Variants in FAM193A observed in about 807,000 individuals in gnomAD.
FAM193A encodes protein FAM193A.
In FAM193A, 22 loss-of-function variants were observed where a neutral mutation model predicts 126.5. The ratio of observed to expected loss-of-function variants is 0.17; its 90% CI spans 0.12 to 0.25. FAM193A has a LOEUF of 0.25. Ranked by LOEUF, FAM193A falls within the 10% of genes least tolerant of loss-of-function variation. The pLI is 1.00. For synonymous variants in FAM193A, 761 were observed against 646.8 expected (o/e 1.18, Z -2.68); for missense variants, 1,675 against 1,672.8 (o/e 1.00, Z -0.02).
At chr4:2,702,969 CTT>C (rs896625061) in intron 19 of FAM193A, among the ~76,000 whole-genome samples, 1 of 151,250 alleles carries the variant, frequency 6.6e-6, no homozygotes, top group Non-Finnish European at 1.5e-5. Flanking sequence ...CCCAGTTCCT[CTT>C]TTTTTTTAAT....
intron 7 of FAM193A, 23 bp from the exon 8 acceptor site, chr4:2,657,780 T>C: frequency 6.5e-7 from 1 of 1,550,324 alleles, no homozygotes; most frequent in Non-Finnish European, 8.7e-7. Context: ...CTTTTTTTTC[T>C]GTTTTTTACA....
intron 2 of FAM193A, among the ~76,000 whole-genome samples, chr4:2,617,647 C>G (rs79950193): frequency 3.9e-5 from 6 of 152,024 alleles, no homozygotes; most frequent in African/African-American, 1.2e-4. Context: ...AATTTTTTAG[C>G]TATAGCTTCC....
chr4:2,550,727 C>T (rs75831855), intron 1 of FAM193A, among the ~76,000 whole-genome samples: 7 of 151,898 alleles, frequency 4.6e-5, no homozygotes, highest in African/African-American at 1.5e-4. Flanking sequence ...TGAGCCACCA[C>T]GCCTGTTGGT....
chr4:2,698,460 T>C (rs1717296729), intron 18 of FAM193A, among the ~76,000 whole-genome samples: 1 of 152,206 alleles, frequency 6.6e-6, no homozygotes, highest in Non-Finnish European at 1.5e-5. Context: ...GACATACACA[T>C]GGAGAAGGAT....
At chr4:2,546,379 A>T (rs1412040083) in intron 1 of FAM193A, among the ~76,000 whole-genome samples, 1 of 152,164 alleles carries the variant, frequency 6.6e-6, no homozygotes, top group Non-Finnish European at 1.5e-5. Flanking sequence ...GATACAGAAC[A>T]GTTTAATTGT....
intron 7 of FAM193A, among the ~76,000 whole-genome samples, chr4:2,647,346 A>G (rs1250832622): frequency 2.0e-5 from 3 of 151,882 alleles, no homozygotes; most frequent in South Asian, 2.1e-4. Context: ...GGGTTTCTCC[A>G]TGTTGGTCAG....
chr4:2,631,237 C>A, intron 5 of FAM193A, 68 bp downstream of exon 5: 1 of 1,470,666 alleles, frequency 6.8e-7, no homozygotes, highest in Non-Finnish European at 9.3e-7. Flanking sequence ...CAAGAGGAAG[C>A]TTCTCACGCA....
intron 11 of FAM193A, 45 bp downstream of exon 11, chr4:2,663,036 GATGGTCTGA>G (rs770653052): frequency 1.3e-6 from 2 of 1,598,138 alleles, no homozygotes; most frequent in Non-Finnish European, 1.7e-6. Context: ...GACATAAAAT[GATGGTCTGA>G]CATTTTAATA....
chr4:2,724,163 C>A (rs114878179), intron 20 of FAM193A, among the ~76,000 whole-genome samples: 1,735 of 152,026 alleles, frequency 0.011, 27 homozygotes, highest in African/African-American at 0.04. Context: ...GTAGTAAAAT[C>A]TTTTAAACAG....
rs759737111 is a variant in FAM193A at position 2,646,783 on chromosome 4, A to T, written c.1262A>T (p.Glu421Val). 1.2e-6 allele frequency: 2 copies of T among 1,614,018 alleles called. No homozygotes were observed. Among genetic ancestry groups the T allele is most frequent in the Admixed American group, 1.7e-5 (1 of 60,018 alleles). The change falls in exon 7 of 21, where the codon GAG becomes GTG. Residue 421 changes from glutamate to valine, a missense_variant. Physicochemically the swap from Glu to Val is moderately radical, Grantham distance 121. This residue lies in a region of FAM193A where 1,186 missense variants were observed against 1,109.2 expected (regional missense o/e 1.07). Transcript: ENST00000637812. The stretch of plus-strand genomic sequence containing the variant: ...GAGGAGGAGCTGCGCAGAGTCGCCG[A>T]GGAGTGGCTGGAGTGCCAGAAGAGG... ...RSEEELRRVAEEWLECQKRID... is the reference protein window; with the variant it reads ...RSEEELRRVAVEWLECQKRID...
At chr4:2,664,784 C>G (rs952354805) in intron 12 of FAM193A, among the ~76,000 whole-genome samples, 21 of 151,896 alleles carry the variant, frequency 1.4e-4, no homozygotes, top group Admixed American at 1.4e-3. Flanking sequence ...AGGCTGGTCT[C>G]GAACTCCTGA....
chr4:2,657,261 G>C (rs192538837), intron 7 of FAM193A, among the ~76,000 whole-genome samples: 4 of 151,910 alleles, frequency 2.6e-5, no homozygotes, highest in Admixed American at 2.6e-4. Context: ...TTTCAGCCTT[G>C]ACAGAAGCTT....
intron 1 of FAM193A, among the ~76,000 whole-genome samples, chr4:2,591,648 A>C (rs1265465355): frequency 1.3e-5 from 2 of 152,154 alleles, no homozygotes; most frequent in Non-Finnish European, 2.9e-5. Context: ...CATGTTTATA[A>C]GAAGTTTATC....
At chr4:2,723,573 CA>C (rs35028433) in intron 20 of FAM193A, among the ~76,000 whole-genome samples, 4,907 of 133,702 alleles carry the variant, frequency 0.037, 94 homozygotes, top group South Asian at 0.073. Flanking sequence ...GACTCCGTCT[CA>C]AAAAAAAAAA....
chr4:2,700,390 C>A lies in FAM193A; in HGVS notation c.4218C>A (p.Ile1406=). ...NNNNKKQLNH[I]KDEKSNPTPM... is the part of the protein sequence containing the mutation. The stretch of plus-strand genomic sequence containing the variant: ...ATAACAAAAAGCAGCTGAACCACAT[C>A]AAGGACGAAAAGTCAAACCCAACCC... Residue 1406 remains isoleucine, a synonymous_variant, in exon 19 of 21, where the codon ATC becomes ATA. Transcript: ENST00000637812. The A allele has an allele frequency of 6.2e-7, 1 of 1,614,120 alleles. No homozygotes were observed. The highest frequency in any genetic ancestry group is 8.5e-7 in the Non-Finnish European group (1 of 1,180,034).
At chr4:2,602,410 A>G (rs1464007997) in intron 2 of FAM193A, among the ~76,000 whole-genome samples, 2 of 145,082 alleles carry the variant, frequency 1.4e-5, no homozygotes, top group Non-Finnish European at 3.0e-5. Flanking sequence ...GCTGGAGTGC[A>G]GTTGTGTGAT....
chr4:2,687,101 G>A (rs1434830101), intron 13 of FAM193A, among the ~76,000 whole-genome samples: 2 of 151,914 alleles, frequency 1.3e-5, no homozygotes, highest in Non-Finnish European at 2.9e-5. Context: ...TTGCCTTCCT[G>A]GGCCTGTTCC....
At chr4:2,713,348 G>C (rs1423301630) in intron 19 of FAM193A, among the ~76,000 whole-genome samples, 2 of 152,186 alleles carry the variant, frequency 1.3e-5, no homozygotes, top group Non-Finnish European at 2.9e-5. Context: ...GGAGGTTGCA[G>C]TGAGCTGAGA....
intron 1 of FAM193A, among the ~76,000 whole-genome samples, chr4:2,546,251 C>A (rs1737545740): frequency 6.6e-6 from 1 of 151,974 alleles, no homozygotes; most frequent in Admixed American, 6.6e-5. Context: ...CTTGGCCTCC[C>A]AAAGTTTTGG....
Sources: allele counts gnomAD v4.1 joint callset (sites outside exome capture counted in the v4.1 genomes callset), GRCh38; gene constraint gnomAD v4.1.1; regional missense constraint gnomAD v4.1.1; transcripts MANE v1.5; gene names NCBI Gene and HGNC (gene_info 2026-07-23, HGNC 2026-07-21).